ADGRA1: variants seen among roughly 807,000 people sequenced by gnomAD.
ADGRA1 encodes G-protein coupled receptor 123.
In ADGRA1, 12 loss-of-function variants were observed where a neutral mutation model predicts 21.3. The observed-to-expected ratio is 0.56, with a 90% CI of 0.36 to 0.91. ADGRA1 has a LOEUF of 0.91. ADGRA1 is among the 40% of genes least tolerant of loss of function. ADGRA1 has a pLI of 0.01. For synonymous variants in ADGRA1, 385 were observed against 368.8 expected (o/e 1.04, Z -0.50); for missense variants, 790 against 805.6 (o/e 0.98, Z 0.23).
At position 133,117,752 on chromosome 10, in the gene ADGRA1, G is replaced by A. The variant is rs1472500450; in HGVS notation, c.402-9481G>A. Among the ~76,000 whole-genome samples, 7 of 152,222 alleles carry A rather than the reference G, an allele frequency of 4.6e-5. No individual in the cohort carries two copies. In the South Asian group the frequency reaches 1.0e-3, roughly 23 times the overall value. ...AGTGGTTGAAATAACAAGGGCAGCC[G>A]GCAGTGACTTAGAGACACGAGACTG... is the stretch of plus-strand genomic sequence containing the variant. On this transcript the variant is annotated intron_variant, in intron 5 of 6. Coordinates refer to ENST00000392607, the MANE Select transcript of ADGRA1 (RefSeq NM_001083909.3).
intron 2 of ADGRA1, chr10:133,095,711 GA>G (rs1379322478): frequency 1.3e-6 from 2 of 1,597,950 alleles, no homozygotes; most frequent in African/African-American, 2.7e-5. Context: ...TGGCTGGACG[GA>G]CAAGAAGTGT....
At chr10:133,112,158 G>A (rs956844854) in intron 5 of ADGRA1, among the ~76,000 whole-genome samples, 1 of 152,188 alleles carries the variant, frequency 6.6e-6, no homozygotes, top group Non-Finnish European at 1.5e-5. Context: ...CCAGCCAAAA[G>A]GAAGACACTC....
Position 133,088,057 on chromosome 10 carries a change from G to T in ADGRA1, c.-284G>T. The T allele has an allele frequency of 2.0e-6, 2 of 985,206 alleles. No individual in the cohort carries two copies. The highest frequency in any genetic ancestry group is 2.4e-6 in the Non-Finnish European group (2 of 829,846). 61.0% of individuals were successfully genotyped at this position (985,206 alleles called of 1,614,324 possible). A position where few individuals can be genotyped will look rare whatever the true frequency, so the allele number is the denominator to read the frequency against. ...GCCGCTGCCCTCGCGAATGGAGAGC[G>T]GGTCCCCGGCGGGGGGAGCGCAGCG... On this transcript the variant is annotated 5_prime_UTR_variant, in exon 1 of 7. Transcript: ENST00000392607.
chr10:133,112,853 T>A (rs1436372095), intron 5 of ADGRA1, among the ~76,000 whole-genome samples: 1 of 145,474 alleles, frequency 6.9e-6, no homozygotes, highest in Non-Finnish European at 1.5e-5. Context: ...TTATTGGAGG[T>A]CTGCGGGCCA....
At chr10:133,097,245 A>G in intron 3 of ADGRA1, 144 bp downstream of exon 3, 10 of 981,910 alleles carry the variant, frequency 1.0e-5, no homozygotes, top group Non-Finnish European at 1.4e-5. Flanking sequence ...CAGCTAGCTC[A>G]GACCCGCTCA....
rs1564849821 is a variant in ADGRA1 at position 133,112,019 on chromosome 10, A to AG, written c.401+9177_401+9178insG. On this transcript the variant is annotated intron_variant, in intron 5 of 6. Coordinates refer to ENST00000392607, the MANE Select transcript of ADGRA1 (RefSeq NM_001083909.3). Reference sequence around the variant, plus strand: ...CCTCCAGACCACCTGCCCACCACAGACACCTCCCTCCTAATGCCTCCAGAC... The same window carrying AG: ...CCTCCAGACCACCTGCCCACCACAGAGCACCTCCCTCCTAATGCCTCCAGAC... Among the ~76,000 whole-genome samples, 122 of 27,938 alleles carry AG rather than the reference A, an allele frequency of 4.4e-3. 25 individuals are homozygous for AG. Among genetic ancestry groups the AG allele is most frequent in the African/African-American group, 0.012 (44 of 3,616 alleles). The allele number at this position is 27,938 out of a possible 152,430, so 18.3% of individuals were successfully genotyped here. A position where few individuals can be genotyped will look rare whatever the true frequency, so the allele number is the denominator to read the frequency against.
At chr10:133,117,826 G>A (rs1157375665) in intron 5 of ADGRA1, among the ~76,000 whole-genome samples, 2 of 152,240 alleles carry the variant, frequency 1.3e-5, no homozygotes, top group East Asian at 1.9e-4. Context: ...GATCCTGGGA[G>A]GAGTCCCTGC....
intron 5 of ADGRA1, among the ~76,000 whole-genome samples, chr10:133,113,699 T>C (rs901116795): frequency 1.2e-4 from 15 of 123,206 alleles, no homozygotes; most frequent in African/African-American, 4.0e-4. Context: ...GCAAGCGACC[T>C]GGCGCCTGCC....
rs534827878 is a variant in ADGRA1 at position 133,112,889 on chromosome 10, C to T, written c.401+10047C>T. Among the ~76,000 whole-genome samples the T allele has an allele frequency of 2.1e-5, 3 of 140,020 alleles. No individual in the cohort carries two copies. The East Asian group carries it at 6.6e-4, about 31-fold the overall frequency. The allele number at this position is 140,020 out of a possible 152,430, so 91.9% of individuals were successfully genotyped here. A position where few individuals can be genotyped will look rare whatever the true frequency, so the allele number is the denominator to read the frequency against. On this transcript the variant is annotated intron_variant, in intron 5 of 6. Coordinates refer to ENST00000392607, the MANE Select transcript of ADGRA1 (RefSeq NM_001083909.3). ...CGTCGGTTATTTGGGGTCTGCGGGC[C>T]GCGTCAGTTCGGTTATTTGGGGTCT...
chr10:133,092,928 C>T, intron 2 of ADGRA1: 1 of 1,555,258 alleles, frequency 6.4e-7, no homozygotes, highest in Middle Eastern at 1.7e-4. Flanking sequence ...CTGGAAGCAC[C>T]TGGGAGGATA....
Position 133,088,860 on chromosome 10 carries a change from C to G in ADGRA1, c.-50C>G. On this transcript the variant is annotated 5_prime_UTR_variant, in exon 2 of 7. Coordinates refer to ENST00000392607, the MANE Select transcript of ADGRA1 (RefSeq NM_001083909.3). ...CAGGGCGCCACCTGATCGCCTCCCCCTGGACGCCTCCTCCAGCGGCGCTCA... is the reference window on the plus strand; with the variant it reads ...CAGGGCGCCACCTGATCGCCTCCCCGTGGACGCCTCCTCCAGCGGCGCTCA... 8.1e-7 allele frequency: 1 copy of G among 1,237,658 alleles called. No homozygotes were observed. Among genetic ancestry groups the G allele is most frequent in the Non-Finnish European group, 1.0e-6 (1 of 988,102 alleles). The allele number at this position is 1,237,658 out of a possible 1,614,324, so 76.7% of individuals were successfully genotyped here.
At chr10:133,112,228 C>T (rs1852045304) in intron 5 of ADGRA1, among the ~76,000 whole-genome samples, 1 of 152,260 alleles carries the variant, frequency 6.6e-6, no homozygotes, top group Non-Finnish European at 1.5e-5. Flanking sequence ...CCCCATTTAG[C>T]CATGAATAAT....
chr10:133,105,096 G>A (rs566199169), intron 5 of ADGRA1, among the ~76,000 whole-genome samples: 1 of 152,326 alleles, frequency 6.6e-6, no homozygotes, highest in South Asian at 2.1e-4. Flanking sequence ...TGGCCCACAC[G>A]TTATCCACGC....
intron 6 of ADGRA1, among the ~76,000 whole-genome samples, chr10:133,127,660 C>T (rs1244140709): frequency 1.3e-5 from 2 of 152,084 alleles, no homozygotes; most frequent in African/African-American, 2.4e-5. Context: ...GTAGGAACGG[C>T]GGTCCAGCCA....
At position 133,128,563 on chromosome 10, in the gene ADGRA1, G is replaced by A. The variant is rs752960371; in HGVS notation, c.735G>A (p.Val245=). The A allele has an allele frequency of 1.7e-5, 26 of 1,568,734 alleles. No homozygotes were observed. The highest frequency in any genetic ancestry group is 3.7e-5 in the Admixed American group (2 of 54,638). The change falls in exon 7 of 7, where the codon GTG becomes GTA. Residue 245 remains valine, a synonymous_variant. Transcript: ENST00000392607. ...PPAHDAPGAS[V]LQNEHSFQAQ... ...CACACGATGCCCCCGGCGCCTCCGTGCTGCAGAACGAGCACTCATTCCAGG... is the reference window on the plus strand; with the variant it reads ...CACACGATGCCCCCGGCGCCTCCGTACTGCAGAACGAGCACTCATTCCAGG...
chr10:133,099,409 A>AC (rs1466459390), intron 4 of ADGRA1, among the ~76,000 whole-genome samples: 3 of 151,576 alleles, frequency 2.0e-5, no homozygotes, highest in Non-Finnish European at 4.4e-5. Flanking sequence ...CTTTGCACAG[A>AC]CCCCCCAACC....
chr10:133,127,429 G>A, intron 6 of ADGRA1, 98 bp downstream of exon 6: 1 of 930,400 alleles, frequency 1.1e-6, no homozygotes, highest in Non-Finnish European at 1.6e-6. Context: ...CCAGGACGAA[G>A]CAGCAAGGCC....
At chr10:133,122,845 G>GTCCCCAGGCACACGCA (rs1852299606) in intron 5 of ADGRA1, among the ~76,000 whole-genome samples, 1 of 150,818 alleles carries the variant, frequency 6.6e-6, no homozygotes, top group Non-Finnish European at 1.5e-5. Flanking sequence ...AGGCACACGC[G>GTCCCCAGGCACACGCA]TCCCCAGGCA....
chr10:133,121,868 TG>T (rs895963042), intron 5 of ADGRA1, among the ~76,000 whole-genome samples: 11 of 145,690 alleles, frequency 7.6e-5, no homozygotes, highest in African/African-American at 1.3e-4. Context: ...AATGAGTGCC[TG>T]TGTGTGGTGT....
Sources: gnomAD v4.1 joint callset for allele counts (sites outside exome capture counted in the v4.1 genomes callset) on GRCh38, gnomAD v4.1.1 for gene constraint, MANE v1.5 for transcripts, NCBI Gene and HGNC (gene_info 2026-07-23, HGNC 2026-07-21) for gene names.